The following MAPK14 variants were observed in gnomAD, a reference collection of about 807,000 sequenced individuals.
The protein encoded by MAPK14 is mitogen-activated protein kinase 14, also known as CSAID-binding protein.
A neutral mutation model predicts 49.6 loss-of-function variants in MAPK14; 16 were observed. The observed-to-expected ratio is 0.32, with a 90% CI of 0.22 to 0.49. MAPK14 has a LOEUF of 0.49. Among genes scored for constraint, MAPK14 ranks in the 20% least tolerant of loss-of-function variants. The pLI is 0.99. For synonymous variants in MAPK14, 142 were observed against 158.0 expected (o/e 0.90, Z 0.76); for missense variants, 200 against 441.2 (o/e 0.45, Z 4.90).
At chr6:36,037,861 C>G (rs1762810632) in intron 1 of MAPK14, among the ~76,000 whole-genome samples, 1 of 152,036 alleles carries the variant, frequency 6.6e-6, no homozygotes, top group South Asian at 2.1e-4. Context: ...TGGTGGCACA[C>G]TCCTGTAGTT....
chr6:36,080,331 A>G (rs1206221351), intron 8 of MAPK14, among the ~76,000 whole-genome samples: 2 of 151,976 alleles, frequency 1.3e-5, no homozygotes, highest in Non-Finnish European at 2.9e-5. Flanking sequence ...TTTTTTCATC[A>G]CCGCAGATGG....
rs796534477 is a variant in MAPK14, at chr6:36,043,804, CTT to C, written c.117-8873_117-8872del. Reference sequence around the variant, plus strand: ...TAGATATTCTTTTTTCTTTTTCTTTCTTTTTTTTTTTTTTTTTTTTTTTGAGA... The same window carrying C: ...TAGATATTCTTTTTTCTTTTTCTTTCTTTTTTTTTTTTTTTTTTTTTGAGA... On this transcript the variant is annotated intron_variant, in intron 1 of 11. Transcript: ENST00000229794. 7.8e-3 allele frequency among the ~76,000 whole-genome samples: 708 copies of C among 90,322 alleles called. 2 individuals carry two copies. Among genetic ancestry groups the C allele is most frequent in the African/African-American group, 0.028 (617 of 21,986 alleles). The allele number at this position is 90,322 out of a possible 152,430, so 59.3% of individuals were successfully genotyped here. A position where few individuals can be genotyped will look rare whatever the true frequency, so the allele number is the denominator to read the frequency against.
the MAPK14 span, among the ~76,000 whole-genome samples, chr6:36,119,058 T>A: frequency 6.6e-6 from 1 of 152,264 alleles, no homozygotes; most frequent in East Asian, 1.9e-4. Flanking sequence ...TAACATCTAT[T>A]ATCCCACTAC....
At position 36,076,577 on chromosome 6, in the gene MAPK14, G is replaced by C; in HGVS notation, c.651G>C (p.Leu217Phe). The change falls in exon 8 of 12, where the codon TTG (leucine) becomes TTC (phenylalanine). Residue 217 changes from leucine (L) to phenylalanine (F), a missense_variant. Physicochemically the swap from Leu to Phe is conservative, Grantham distance 22 (BLOSUM62 0). Transcript: ENST00000229794. ...TGGGATGCATAATGGCCGAGCTGTTGACTGGAAGAACATTGTTTCCTGGTA... is the reference window on the plus strand; with the variant it reads ...TGGGATGCATAATGGCCGAGCTGTTCACTGGAAGAACATTGTTTCCTGGTA... ...WSVGCIMAEL[L>F]TGRTLFPGTD... The C allele has an allele frequency of 6.2e-7, 1 of 1,613,980 alleles. No homozygotes were observed. Among genetic ancestry groups the C allele is most frequent in the Non-Finnish European group, 8.5e-7 (1 of 1,179,890 alleles).
intron 1 of MAPK14, among the ~76,000 whole-genome samples, chr6:36,035,410 C>T (rs951138599): frequency 1.3e-4 from 20 of 152,220 alleles, no homozygotes; most frequent in African/African-American, 4.8e-4. Flanking sequence ...CCAGCTGTTC[C>T]CTCTCTCCAT....
intron 8 of MAPK14, among the ~76,000 whole-genome samples, chr6:36,087,519 ACT>A (rs1024223982): frequency 9.1e-4 from 139 of 152,230 alleles, no homozygotes; most frequent in Middle Eastern, 3.4e-3. Context: ...TCATGAATGA[ACT>A]CTTATTCACA....
chr6:36,035,711 A>G (rs1405906285), intron 1 of MAPK14, among the ~76,000 whole-genome samples: 2 of 152,254 alleles, frequency 1.3e-5, no homozygotes. Flanking sequence ...AAAGCAACAC[A>G]GCCTTGTTGC....
At chr6:36,095,373 C>T (rs1315388889) in intron 8 of MAPK14, among the ~76,000 whole-genome samples, 1 of 152,202 alleles carries the variant, frequency 6.6e-6, no homozygotes, top group Non-Finnish European at 1.5e-5. Context: ...GCGACTCTCC[C>T]TCATAGTGCC....
chr6:36,070,251 A>G (rs957291055), intron 3 of MAPK14, among the ~76,000 whole-genome samples: 4 of 152,210 alleles, frequency 2.6e-5, no homozygotes, highest in African/African-American at 9.7e-5. Context: ...TAAATTTTGT[A>G]TCAGCTGAAA....
intron 8 of MAPK14, among the ~76,000 whole-genome samples, chr6:36,087,360 CATG>C (rs1765027021): frequency 6.6e-6 from 1 of 152,188 alleles, no homozygotes; most frequent in Non-Finnish European, 1.5e-5. Flanking sequence ...TTGCAGGTGA[CATG>C]ATCCTATATC....
At chr6:36,112,668 A>G (rs1364456434), downstream of MAPK14, among the ~76,000 whole-genome samples, 1 of 152,166 alleles carries the variant, frequency 6.6e-6, no homozygotes, top group African/African-American at 2.4e-5. Flanking sequence ...TTTTATAAGT[A>G]TCTATCGGTG....
In MAPK14 at chr6:36,109,152, G is replaced by A. The variant is rs1379086147; in HGVS notation, c.*705G>A. ...GAGGGCTGTTGGACAGCTGCTTGTG[G>A]GCCCGGAGTAATCAGGCAGCCTTCA... is the stretch of plus-strand genomic sequence containing the variant. On this transcript the variant is annotated 3_prime_UTR_variant, in exon 12 of 12. Transcript: ENST00000229794. 6.5e-6 allele frequency: 1 copy of A among 152,808 alleles called. No homozygotes were observed. The highest frequency in any genetic ancestry group is 2.4e-5 in the African/African-American group (1 of 41,450). 9.5% of individuals were successfully genotyped at this position (152,808 alleles called of 1,614,324 possible).
At chr6:36,074,169 C>A in intron 6 of MAPK14, 73 bp downstream of exon 6, 2 of 1,132,508 alleles carry the variant, frequency 1.8e-6, no homozygotes, top group South Asian at 2.6e-5. Flanking sequence ...GGCAGACTTT[C>A]TTAGGGAGTA....
chr6:36,076,867 A>T lies in MAPK14; in HGVS notation c.682+259A>T, dbSNP rs916834140. 9 of 334,368 alleles carry T rather than the reference A, an allele frequency of 2.7e-5. No homozygotes were observed. The East Asian group carries it at 5.1e-4, about 19-fold the overall frequency. The allele number at this position is 334,368 out of a possible 1,614,324, so 20.7% of individuals were successfully genotyped here. ...TGTCTTCTTTTTGCAACAGTCCCTT[A>T]TTAATCATCCCACAGCAGTTCTGAG... On this transcript the variant is annotated intron_variant, in intron 8 of 11. Coordinates refer to ENST00000229794, the MANE Select transcript of MAPK14 (RefSeq NM_139012.3).
chr6:36,052,967 C>T, intron 2 of MAPK14, 139 bp downstream of exon 2: 1 of 514,106 alleles, frequency 1.9e-6, no homozygotes, highest in Non-Finnish European at 3.2e-6. Flanking sequence ...TTAGTGGCCA[C>T]TTGGTTATGT....
chr6:36,052,668 A>G (rs889375476), intron 1 of MAPK14, 31 bp from the exon 2 acceptor site: 8 of 1,578,602 alleles, frequency 5.1e-6, no homozygotes, highest in African/African-American at 1.4e-5. Context: ...CAGCTTTTTA[A>G]TGGTGGGTTT....
chr6:36,100,628 T>C (rs1765601790), intron 9 of MAPK14, among the ~76,000 whole-genome samples: 1 of 152,154 alleles, frequency 6.6e-6, no homozygotes, highest in Non-Finnish European at 1.5e-5. Context: ...TTCCAATTCA[T>C]CCATTTTTTT....
At chr6:36,035,626 C>G (rs1468713427) in intron 1 of MAPK14, among the ~76,000 whole-genome samples, 2 of 151,804 alleles carry the variant, frequency 1.3e-5, no homozygotes, top group African/African-American at 2.4e-5. Context: ...TACCAAACAG[C>G]CAATTTGTGA....
chr6:36,116,660 G>T, the MAPK14 span, among the ~76,000 whole-genome samples: 4 of 152,026 alleles, frequency 2.6e-5, no homozygotes, highest in Non-Finnish European at 5.9e-5. Context: ...CAGTGCACCC[G>T]CTGAGAACTG....
Sources: gnomAD v4.1 joint callset for allele counts (sites outside exome capture counted in the v4.1 genomes callset) on GRCh38, gnomAD v4.1.1 for gene constraint, MANE v1.5 for transcripts, NCBI Gene and HGNC (gene_info 2026-07-23, HGNC 2026-07-21) for gene names.